ABCC1: variants seen among roughly 807,000 people sequenced by gnomAD.
ABCC1 encodes ATP binding cassette subfamily C member 1 (ABCC1 blood group).
Under a neutral mutation model 172.9 loss-of-function variants are expected in ABCC1, and 83 were observed. That is an observed-to-expected ratio of 0.48 (90% CI 0.40 to 0.58). The LOEUF (loss-of-function observed/expected upper bound fraction) is 0.58. Among genes scored for constraint, ABCC1 ranks in the 20% least tolerant of loss-of-function variants. The pLI is 0.00. For synonymous variants in ABCC1, 937 were observed against 825.2 expected (o/e 1.14, Z -2.32); for missense variants, 1,817 against 2,002.7 (o/e 0.91, Z 1.77).
intron 29 of ABCC1, 46 bp downstream of exon 29, chr16:16,136,690 G>A (rs375406031): frequency 3.3e-5 from 52 of 1,597,630 alleles, no homozygotes; most frequent in African/African-American, 6.7e-5. Context: ...TGTCCTAGGC[G>A]CCATCTCGGT....
intron 12 of ABCC1, among the ~76,000 whole-genome samples, chr16:16,064,250 G>A (rs754075828): frequency 5.3e-5 from 8 of 152,110 alleles, no homozygotes; most frequent in Non-Finnish European, 8.8e-5. Context: ...CTAGACCCTC[G>A]CCTATTACAA....
rs188362887 is a variant in ABCC1, at chr16:15,997,308, G to A, written c.49-10508G>A. Among the ~76,000 whole-genome samples the A allele has an allele frequency of 8.2e-3, 1,244 of 152,266 alleles. 7 individuals are homozygous for A. The highest frequency in any genetic ancestry group is 0.013 in the South Asian group (63 of 4,830). On this transcript the variant is annotated intron_variant, in intron 1 of 30. Transcript: ENST00000399410. ...GGGTTTCACCATGTTAGCCAGGATGGTCTTGATCTCCTGACCTCGTGATCC... is the reference window on the plus strand; with the variant it reads ...GGGTTTCACCATGTTAGCCAGGATGATCTTGATCTCCTGACCTCGTGATCC...
At chr16:16,102,554 G>T in intron 19 of ABCC1, 73 bp from the exon 20 acceptor site, 2 of 1,421,116 alleles carry the variant, frequency 1.4e-6, no homozygotes, top group East Asian at 2.5e-5. Context: ...TGAAGTGGCC[G>T]GTTTTTGTTG....
At chr16:16,113,436 G>A (rs549092903) in intron 22 of ABCC1, among the ~76,000 whole-genome samples, 2 of 152,260 alleles carry the variant, frequency 1.3e-5, no homozygotes, top group African/African-American at 4.8e-5. Context: ...CGGGTGGATC[G>A]CTTAATCCAG....
intron 3 of ABCC1, among the ~76,000 whole-genome samples, chr16:16,010,622 G>C (rs1311127819): frequency 6.6e-6 from 1 of 152,170 alleles, no homozygotes; most frequent in Non-Finnish European, 1.5e-5. Flanking sequence ...CAGAGACAAG[G>C]AAACAACTTT....
In ABCC1 at chr16:16,090,602, C is replaced by G. The variant is rs376600169; in HGVS notation, c.2644+14C>G. On this transcript the variant is annotated intron_variant, in intron 19 of 30. Transcript: ENST00000399410. ...CAGAGGAGAACGGTAGGGGCAGCCC[C>G]AGGGTTCCACCCACTCAGGGTGTCT... The G allele has an allele frequency of 6.4e-7, 1 of 1,562,272 alleles. No individual in the cohort carries two copies.
At chr16:16,078,710 G>T (rs1425705209) in intron 15 of ABCC1, among the ~76,000 whole-genome samples, 1 of 152,100 alleles carries the variant, frequency 6.6e-6, no homozygotes, top group African/African-American at 2.4e-5. Flanking sequence ...AGAGTCTCAC[G>T]CTCTTGCCCA....
At chr16:15,986,747 T>G (rs2046753609) in intron 1 of ABCC1, among the ~76,000 whole-genome samples, 1 of 152,188 alleles carries the variant, frequency 6.6e-6, no homozygotes, top group Non-Finnish European at 1.5e-5. Context: ...AGACTCAGGT[T>G]CTGGGGACGG....
Position 16,114,891 on chromosome 16 carries a change from A to C in ABCC1, c.3205A>C (p.Ser1069Arg). ...SPMSFFERTPSGNLVNRFSKE... is the reference protein window; with the variant it reads ...SPMSFFERTPRGNLVNRFSKE... ...CATGAGCTTCTTTGAGCGGACCCCCAGTGGGAACCTGGTGAACCGCTTCTC... is the reference window on the plus strand; with the variant it reads ...CATGAGCTTCTTTGAGCGGACCCCCCGTGGGAACCTGGTGAACCGCTTCTC... Residue 1069 changes from serine (S) to arginine (R), a missense_variant, in exon 23 of 31, where the codon AGT (serine) becomes CGT (arginine). Around this residue, in one of 3 missense-constraint regions of ABCC1, gnomAD observed 1,412 missense variants for 1,600.3 expected, o/e 0.88. Transcript: ENST00000399410. The C allele has an allele frequency of 3.1e-6, 5 of 1,613,896 alleles. No homozygotes were observed. Among genetic ancestry groups the C allele is most frequent in the Non-Finnish European group, 4.2e-6 (5 of 1,179,894 alleles).
intron 12 of ABCC1, among the ~76,000 whole-genome samples, chr16:16,057,134 G>A (rs1263077061): frequency 3.3e-5 from 5 of 149,516 alleles, no homozygotes; most frequent in African/African-American, 9.9e-5. Context: ...TTGAGGCCAG[G>A]AGCTCGAGAC....
At chr16:15,985,086 G>C (rs1434941744) in intron 1 of ABCC1, among the ~76,000 whole-genome samples, 4 of 152,148 alleles carry the variant, frequency 2.6e-5, no homozygotes, top group African/African-American at 9.6e-5. Flanking sequence ...CTGGGTGAGA[G>C]AGTGAGACTC....
intron 12 of ABCC1, among the ~76,000 whole-genome samples, chr16:16,058,366 T>C (rs1344057403): frequency 6.6e-6 from 1 of 152,228 alleles, no homozygotes; most frequent in African/African-American, 2.4e-5. Context: ...CTTGGTCAGG[T>C]TGGCAAATTA....
At chr16:16,097,072 C>G (rs2051512227) in intron 19 of ABCC1, among the ~76,000 whole-genome samples, 1 of 152,060 alleles carries the variant, frequency 6.6e-6, no homozygotes, top group Non-Finnish European at 1.5e-5. Flanking sequence ...TTGTTGATCT[C>G]TTCCTTTGGA....
At chr16:16,009,687 T>C (rs557074368) in intron 2 of ABCC1, 89 bp from the exon 3 acceptor site, 1 of 1,369,480 alleles carries the variant, frequency 7.3e-7, no homozygotes, top group African/African-American at 1.5e-5. Context: ...TGGCTGGTTC[T>C]CCTATCCCTG....
intron 19 of ABCC1, among the ~76,000 whole-genome samples, chr16:16,091,731 C>T (rs1284678135): frequency 6.6e-6 from 1 of 152,184 alleles, no homozygotes; most frequent in Non-Finnish European, 1.5e-5. Context: ...CAGTGATTGT[C>T]CTGCAGGGCC....
intron 20 of ABCC1, among the ~76,000 whole-genome samples, chr16:16,104,619 A>C (rs1214284568): frequency 3.9e-5 from 6 of 152,200 alleles, no homozygotes; most frequent in Admixed American, 3.3e-4. Context: ...GGTGGATGCC[A>C]CACTGGGGCT....
intron 1 of ABCC1, among the ~76,000 whole-genome samples, chr16:15,975,713 T>C (rs1243932849): frequency 6.6e-6 from 1 of 151,610 alleles, no homozygotes; most frequent in Non-Finnish European, 1.5e-5. Flanking sequence ...TGCGCCACCA[T>C]CTCTGGCTAA....
intron 23 of ABCC1, among the ~76,000 whole-genome samples, chr16:16,117,477 G>A (rs748719141): frequency 5.9e-5 from 9 of 152,104 alleles, no homozygotes; most frequent in Admixed American, 1.3e-4. Context: ...ATATAACCAC[G>A]GAAAGTGCAA....
intron 1 of ABCC1, among the ~76,000 whole-genome samples, chr16:16,007,448 C>T (rs754112286): frequency 3.9e-5 from 6 of 152,170 alleles, no homozygotes; most frequent in Admixed American, 2.0e-4. Context: ...TGGTCTCGAA[C>T]TCCCAGCCTA....
Sources: gnomAD v4.1 joint callset for allele counts (sites outside exome capture counted in the v4.1 genomes callset) on GRCh38, gnomAD v4.1.1 for gene constraint, gnomAD v4.1.1 regional missense constraint, MANE v1.5 for transcripts, NCBI Gene and HGNC (gene_info 2026-07-23, HGNC 2026-07-21) for gene names.